The following CNTN2 variants were observed in gnomAD, a reference collection of about 807,000 sequenced individuals.
The protein encoded by CNTN2 is contactin-2.
Under a neutral mutation model 117.5 loss-of-function variants are expected in CNTN2, and 53 were observed. That is an observed-to-expected ratio of 0.45 (90% confidence interval 0.36 to 0.57). The LOEUF is 0.57. Among genes scored for constraint, CNTN2 ranks in the 20% least tolerant of loss-of-function variants. The pLI is 0.00. For missense variants in CNTN2, 1,106 were observed against 1,404.3 expected, an observed-to-expected ratio of 0.79 and a Z score of 3.39; for synonymous variants, 530 against 561.7, an observed-to-expected ratio of 0.94 and a Z score of 0.80.
In CNTN2 at chr1:205,058,787, A is replaced by G. The variant is rs1397461538; in HGVS notation, c.487+124A>G. The G allele has an allele frequency of 1.1e-5, 8 of 729,910 alleles. No homozygotes were observed. Among genetic ancestry groups the G allele is most frequent in the Admixed American group, 5.7e-5 (2 of 34,932 alleles). 45.2% of individuals were successfully genotyped at this position (729,910 alleles called of 1,614,324 possible). A position where few individuals can be genotyped will look rare whatever the true frequency, so the allele number is the denominator to read the frequency against. ...ACCCTTAGAAGCACCCATCCCTGGG[A>G]CCCTAACTTTAAATGATCTGTGTTT... is the stretch of plus-strand genomic sequence containing the variant. On this transcript the variant is annotated intron_variant, in intron 5 of 22. Coordinates refer to ENST00000331830, the MANE Select transcript of CNTN2 (RefSeq NM_005076.5). The surrounding 1 kb of genome is among the most constrained non-coding windows in gnomAD (Gnocchi z 4.3).
chr1:205,052,580 AC>A, intron 1 of CNTN2, among the ~76,000 whole-genome samples: 1 of 152,064 alleles, frequency 6.6e-6, no homozygotes, highest in East Asian at 1.9e-4. Flanking sequence ...AATCAGTGAG[AC>A]CCCTCCTCAC....
rs1414312305 is a variant in CNTN2 at position 205,048,265 on chromosome 1, G to A, written c.-86-4835G>A. Among the ~76,000 whole-genome samples the A allele has an allele frequency of 1.3e-5, 2 of 152,162 alleles. No homozygotes were observed. The highest frequency in any genetic ancestry group is 4.8e-5 in the African/African-American group (2 of 41,432). Reference sequence around the variant, plus strand: ...TCCCAGTAGGGAGAACTCTGGGGTGGAGGGTGTACCTTTTATTTTTTGACT... The same window carrying A: ...TCCCAGTAGGGAGAACTCTGGGGTGAAGGGTGTACCTTTTATTTTTTGACT... On this transcript the variant is annotated intron_variant, in intron 1 of 22. Transcript: ENST00000331830. This position sits in a 1 kb window ranked among gnomAD's most constrained non-coding sequence, Gnocchi z 4.1.
Position 205,059,041 on chromosome 1 carries a change from T to A in CNTN2, c.488-43T>A. 6.3e-7 allele frequency: 1 copy of A among 1,588,536 alleles called. No homozygotes were observed. On this transcript the variant is annotated intron_variant, in intron 5 of 22. Coordinates refer to ENST00000331830, the MANE Select transcript of CNTN2 (RefSeq NM_005076.5). This position sits in a 1 kb window ranked among gnomAD's most constrained non-coding sequence, Gnocchi z 5.6. ...GGGGTCCCACCCAGAGTGGCCCTGTTAGCCCAGCACCCCCTGGTTTCCTCA... is the reference window on the plus strand; with the variant it reads ...GGGGTCCCACCCAGAGTGGCCCTGTAAGCCCAGCACCCCCTGGTTTCCTCA...
In CNTN2 at chr1:205,061,734, C is replaced by T. The variant is rs41264869; in HGVS notation, c.974-131C>T. On this transcript the variant is annotated intron_variant, in intron 8 of 22. Coordinates refer to ENST00000331830, the MANE Select transcript of CNTN2 (RefSeq NM_005076.5). This position sits in a 1 kb window ranked among gnomAD's most constrained non-coding sequence, Gnocchi z 4.8. ...CTTCCGGCCCCCTCCTCTTTGTCCT[C>T]TCCATCTCAGAATGCTCATGGCGCC... The T allele has an allele frequency of 0.18, 223,674 of 1,213,070 alleles. 22,721 individuals carry two copies. Among genetic ancestry groups the T allele is most frequent in the East Asian group, 0.39 (15,289 of 39,450 alleles). 75.1% of individuals were successfully genotyped at this position (1,213,070 alleles called of 1,614,324 possible).
chr1:205,073,160 T>A lies in CNTN2; in HGVS notation c.2937T>A (p.His979Gln), dbSNP rs1654682453. ...IEIPVPEDIG[H>Q]ALVQIRTTGP... ...TCCCAGTGCCTGAAGACATTGGCCA[T>A]GCCCTGGTACAAATTCGGACCACAG... Residue 979 changes from histidine (H) to glutamine (Q), a missense_variant, in exon 22 of 23, where the codon CAT (histidine) becomes CAA (glutamine). His to Gln is a conservative substitution (Grantham distance 24). Coordinates refer to ENST00000331830, the MANE Select transcript of CNTN2 (RefSeq NM_005076.5). The surrounding 1 kb of genome is among the most constrained non-coding windows in gnomAD (Gnocchi z 6.3). The A allele has an allele frequency of 6.2e-7, 1 of 1,613,258 alleles. No homozygotes were observed.
rs759447953 is a variant in CNTN2 at position 205,073,686 on chromosome 1, T to C, written c.3044T>C (p.Val1015Ala). ...AGCATGATGGTGGAGAACATGGCAG[T>C]CCGCCCAGCACCACACCCTGGCACC... ...GTSMMVENMA[V>A]RPAPHPGTVI... The change falls in exon 23 of 23, where the codon GTC (valine) becomes GCC (alanine). Residue 1015 changes from valine (V) to alanine (A), a missense_variant. Transcript: ENST00000331830. The surrounding 1 kb of genome is among the most constrained non-coding windows in gnomAD (Gnocchi z 6.3). The C allele has an allele frequency of 1.2e-6, 2 of 1,613,848 alleles. No individual in the cohort carries two copies. The highest frequency in any genetic ancestry group is 4.5e-5 in the East Asian group (2 of 44,882).
intron 20 of CNTN2, 166 bp downstream of exon 20, chr1:205,072,299 C>T: frequency 4.8e-6 from 4 of 834,076 alleles, no homozygotes. Context: ...GAATTCATGG[C>T]CCCTGAAGCG....
chr1:205,065,850 C>A lies in CNTN2; in HGVS notation c.1757C>A (p.Thr586Lys), dbSNP rs774796156. The A allele has an allele frequency of 6.3e-7, 1 of 1,583,066 alleles. No homozygotes were observed. The highest frequency in any genetic ancestry group is 8.6e-7 in the Non-Finnish European group (1 of 1,158,288). Residue 586 changes from threonine to lysine, a missense_variant, in exon 14 of 23, where the codon ACG becomes AAG. Thr to Lys is a moderately conservative substitution (Grantham distance 78). Transcript: ENST00000331830. This position sits in a 1 kb window ranked among gnomAD's most constrained non-coding sequence, Gnocchi z 4.1. ...NAQLRHGGKYTCMAQTVVDSA... is the reference protein window; with the variant it reads ...NAQLRHGGKYKCMAQTVVDSA... ...CAGCTGCGCCATGGGGGGAAGTACA[C>A]GTGCATGGCCCAGACGGTGGTGGAC...
intron 7 of CNTN2, chr1:205,060,869 A>C: frequency 4.8e-6 from 1 of 210,424 alleles, no homozygotes; most frequent in Non-Finnish European, 9.4e-6. Context: ...TGTAGAGGCA[A>C]CGGAAAAGAG....
Position 205,074,395 on chromosome 1 carries a change from G to A in CNTN2, c.*630G>A, listed in dbSNP as rs911889997. On this transcript the variant is annotated 3_prime_UTR_variant, in exon 23 of 23. Coordinates refer to ENST00000331830, the MANE Select transcript of CNTN2 (RefSeq NM_005076.5). ...GAGCCTGAGCCCCTTCAGCTTTGAG[G>A]GGGGTGATACTCCAGGCTGTTTGGG... The A allele has an allele frequency of 2.5e-6, 1 of 399,978 alleles. No homozygotes were observed. Among genetic ancestry groups the A allele is most frequent in the Admixed American group, 4.4e-5 (1 of 22,912 alleles). The allele number at this position is 399,978 out of a possible 1,614,324, so 24.8% of individuals were successfully genotyped here. A position where few individuals can be genotyped will look rare whatever the true frequency, so the allele number is the denominator to read the frequency against.
rs538046968 is a variant in CNTN2, at chr1:205,064,670, G to A, written c.1439G>A (p.Arg480Gln). The change falls in exon 12 of 23, where the codon CGG becomes CAG. Residue 480 changes from arginine (R) to glutamine (Q), a missense_variant. Arg to Gln is a conservative substitution (Grantham distance 43). Transcript: ENST00000331830. The part of the protein sequence containing the change: ...DGTLIIRNIS[R>Q]SDEGKYTCFA... ...ACCTTGATCATAAGAAACATCAGCC[G>A]GTCAGATGAAGGCAAATACACCTGC... is the stretch of plus-strand genomic sequence containing the variant. 3.7e-5 allele frequency: 60 copies of A among 1,614,108 alleles called. No individual in the cohort carries two copies. Among genetic ancestry groups the A allele is most frequent in the South Asian group, 2.2e-4 (20 of 91,070 alleles).
At chr1:205,069,323 A>G (rs956610168) in intron 16 of CNTN2, 168 bp from the exon 17 acceptor site, 2 of 564,978 alleles carry the variant, frequency 3.5e-6, no homozygotes, top group Admixed American at 3.4e-5. Context: ...ATTTGATTTC[A>G]GGACTGCCTG....
intron 1 of CNTN2, among the ~76,000 whole-genome samples, chr1:205,043,613 G>A (rs1382457140): frequency 3.3e-5 from 5 of 152,170 alleles, no homozygotes; most frequent in African/African-American, 1.2e-4. Flanking sequence ...GCGGCATCCC[G>A]CAGGGCTCTC....
Position 205,072,497 on chromosome 1 carries a change from C to T in CNTN2, c.2746C>T (p.Pro916Ser). 1 of 1,614,176 alleles carries T rather than the reference C, an allele frequency of 6.2e-7. No homozygotes were observed. Among genetic ancestry groups the T allele is most frequent in the Non-Finnish European group, 8.5e-7 (1 of 1,180,038 alleles). ...TTMKPPPRRPPGNISWTFSSS... is the reference protein window; with the variant it reads ...TTMKPPPRRPSGNISWTFSSS... ...CTCTCTGGCAGCTCCGCGGCGACCTCCTGGCAACATCTCCTGGACTTTCTC... is the reference window on the plus strand; with the variant it reads ...CTCTCTGGCAGCTCCGCGGCGACCTTCTGGCAACATCTCCTGGACTTTCTC... The change falls in exon 21 of 23, where the codon CCT becomes TCT. Residue 916 changes from proline (P) to serine (S), a missense_variant. By Grantham distance (74) the Pro-to-Ser change is moderately conservative. Coordinates refer to ENST00000331830, the MANE Select transcript of CNTN2 (RefSeq NM_005076.5).
Position 205,075,897 on chromosome 1 carries a change from G to A in CNTN2, c.*2132G>A, listed in dbSNP as rs1654839683. 1.3e-5 allele frequency: 2 copies of A among 152,208 alleles called. No homozygotes were observed. The highest frequency in any genetic ancestry group is 1.3e-4 in the Admixed American group (2 of 15,282). 9.4% of individuals were successfully genotyped at this position (152,208 alleles called of 1,614,324 possible). ...TGTGCCTGGTTCTCTATCAGAAAGGGGATGCTGAACAAAACCTCCTTCCAA... is the reference window on the plus strand; with the variant it reads ...TGTGCCTGGTTCTCTATCAGAAAGGAGATGCTGAACAAAACCTCCTTCCAA... On this transcript the variant is annotated 3_prime_UTR_variant, in exon 23 of 23. Coordinates refer to ENST00000331830, the MANE Select transcript of CNTN2 (RefSeq NM_005076.5).
chr1:205,065,299 CCTT>C lies in CNTN2; in HGVS notation c.1695+40_1695+42del, dbSNP rs1558548895. On this transcript the variant is annotated intron_variant, in intron 13 of 22. Transcript: ENST00000331830. This position sits in a 1 kb window ranked among gnomAD's most constrained non-coding sequence, Gnocchi z 4.1. ...GGCCAGAGCCCCATGGCTTCTCCCT[CCTT>C]CTAGAGAGACAGGGGCCCCAAGATG... 3 of 1,608,522 alleles carry C rather than the reference CCTT, an allele frequency of 1.9e-6. No homozygotes were observed. The highest frequency in any genetic ancestry group is 2.6e-6 in the Non-Finnish European group (3 of 1,176,444).
chr1:205,048,942 TGTG>T lies in CNTN2; in HGVS notation c.-86-4157_-86-4155del, dbSNP rs1471881414. Among the ~76,000 whole-genome samples, 1 of 150,514 alleles carries T rather than the reference TGTG, an allele frequency of 6.6e-6. No homozygotes were observed. The highest frequency in any genetic ancestry group is 2.4e-5 in the African/African-American group (1 of 40,968). On this transcript the variant is annotated intron_variant, in intron 1 of 22. Coordinates refer to ENST00000331830, the MANE Select transcript of CNTN2 (RefSeq NM_005076.5). The surrounding 1 kb of genome is among the most constrained non-coding windows in gnomAD (Gnocchi z 4.1). ...GTGTGTGTGTGTGTGTGTGTGTGTG[TGTG>T]TGTGTGTGTGTGTGTTCACCCAAGG... is the stretch of plus-strand genomic sequence containing the variant.
At chr1:205,069,666 C>T (rs1654483178) in intron 17 of CNTN2, 105 bp downstream of exon 17, 1 of 1,435,386 alleles carries the variant, frequency 7.0e-7, no homozygotes, top group Admixed American at 1.8e-5. Context: ...ACGCGGATAA[C>T]TTCCTGTCCC....
chr1:205,066,302 T>C, intron 14 of CNTN2, 139 bp from the exon 15 acceptor site: 1 of 988,610 alleles, frequency 1.0e-6, no homozygotes, highest in Non-Finnish European at 1.5e-6. Context: ...TTGCCCGCCC[T>C]CCCGCCTGGG....
Sources: gnomAD v4.1 joint callset for allele counts (sites outside exome capture counted in the v4.1 genomes callset) on GRCh38, gnomAD v4.1.1 for gene constraint, Gnocchi (gnomAD v3.1) non-coding constraint, MANE v1.5 for transcripts, NCBI Gene and HGNC (gene_info 2026-07-23, HGNC 2026-07-21) for gene names.